The following APBA1 variants were observed in gnomAD, a reference collection of about 807,000 sequenced individuals.
The protein encoded by APBA1 is amyloid beta precursor protein binding family A member 1, also known as amyloid-beta A4 precursor protein-binding family A member 1.
Under a neutral mutation model 86.6 loss-of-function variants are expected in APBA1, and 55 were observed. That is an observed-to-expected ratio of 0.64 (90% confidence interval 0.51 to 0.80). The LOEUF (loss-of-function observed/expected upper bound fraction) is 0.80, where lower values mean the gene tolerates loss of function less well. Ranked by LOEUF, APBA1 falls within the 30% of genes least tolerant of loss-of-function variation. The pLI is 0.00. For synonymous variants in APBA1, 511 were observed against 493.9 expected (o/e 1.03, Z -0.46); for missense variants, 1,090 against 1,183.0 (o/e 0.92, Z 1.15).
intron 2 of APBA1, among the ~76,000 whole-genome samples, chr9:69,493,772 T>C (rs1241422169): frequency 6.6e-6 from 1 of 152,030 alleles, no homozygotes; most frequent in Non-Finnish European, 1.5e-5. Context: ...AAAAATAGGT[T>C]TATATACAGA....
chr9:69,586,194 C>T (rs117354854), intron 1 of APBA1, among the ~76,000 whole-genome samples: 43 of 152,240 alleles, frequency 2.8e-4, no homozygotes, highest in Non-Finnish European at 4.9e-4. Context: ...TAGGGCTTGG[C>T]CTTTACAGCA....
intron 10 of APBA1, among the ~76,000 whole-genome samples, chr9:69,444,903 C>T (rs556401844): frequency 4.6e-5 from 7 of 152,232 alleles, no homozygotes; most frequent in Admixed American, 4.6e-4. Flanking sequence ...GGCTCTGAGC[C>T]CAGAGGGGGC....
At chr9:69,457,382 C>G (rs1330790940) in intron 6 of APBA1, among the ~76,000 whole-genome samples, 1 of 152,192 alleles carries the variant, frequency 6.6e-6, no homozygotes, top group African/African-American at 2.4e-5. Context: ...CCTATAGAAG[C>G]AGTAACTCAC....
rs1588335329 is a variant in APBA1, at chr9:69,516,860, G to A, written c.351C>T (p.Ala117=). The A allele has an allele frequency of 6.3e-6, 10 of 1,599,422 alleles. No homozygotes were observed. In the East Asian group the frequency reaches 1.8e-4, roughly 29 times the overall value. Residue 117 remains alanine (A), a synonymous_variant, in exon 2 of 13, where the codon GCC becomes GCT. Coordinates refer to ENST00000265381, the MANE Select transcript of APBA1 (RefSeq NM_001163.4). The surrounding 1 kb of genome is among the most constrained non-coding windows in gnomAD (Gnocchi z 7.3). ...CCTCGGGCCGGTACTGCACAGCATA[G>A]GCGCTCTCGTCCTCGGGGTCCTGCG... ...ERAQDPEDES[A]YAVQYRPEAE...
intron 1 of APBA1, among the ~76,000 whole-genome samples, chr9:69,624,968 CCA>C (rs1234266919): frequency 6.6e-6 from 1 of 152,194 alleles, no homozygotes; most frequent in African/African-American, 2.4e-5. Flanking sequence ...AACAACCAAC[CCA>C]CAGCAACAGC....
intron 1 of APBA1, among the ~76,000 whole-genome samples, chr9:69,668,226 C>A (rs937428857): frequency 3.9e-5 from 6 of 152,190 alleles, no homozygotes; most frequent in Non-Finnish European, 8.8e-5. Context: ...GTATTCTAGT[C>A]CCTTAACTTG....
In APBA1 at chr9:69,456,423, T is replaced by A. The variant is rs987706331; in HGVS notation, c.1612A>T (p.Met538Leu). The change falls in exon 8 of 13, where the codon ATG becomes TTG. Residue 538 changes from methionine to leucine, a missense_variant. Physicochemically the swap from Met to Leu is conservative, Grantham distance 15. Around this residue, in one of 6 missense-constraint regions of APBA1, gnomAD observed 103 missense variants for 91.9 expected, o/e 1.12. Transcript: ENST00000265381. Reference sequence around the variant, plus strand: ...GAAATGGTCCTCAGAGGGTGGTCCATCATTGTCTCCTGGAGGCAGGAAGAG... The same window carrying A: ...GAAATGGTCCTCAGAGGGTGGTCCAACATTGTCTCCTGGAGGCAGGAAGAG... Reference protein sequence around the residue: ...VLNADTQETMMDHPLRTISYI... With the variant: ...VLNADTQETMLDHPLRTISYI... The A allele has an allele frequency of 2.5e-6, 4 of 1,596,770 alleles. No individual in the cohort carries two copies. In the African/African-American group the frequency reaches 5.4e-5, roughly 21 times the overall value.
intron 1 of APBA1, among the ~76,000 whole-genome samples, chr9:69,576,209 T>C (rs1588373384): frequency 2.0e-5 from 3 of 152,128 alleles, no homozygotes; most frequent in South Asian, 4.1e-4. Context: ...CAGGAAACAA[T>C]AGGTGCTGGA....
chr9:69,622,859 C>A (rs1287052897), intron 1 of APBA1, among the ~76,000 whole-genome samples: 1 of 152,142 alleles, frequency 6.6e-6, no homozygotes, highest in Non-Finnish European at 1.5e-5. Context: ...CATGACAAAC[C>A]CTTCTGATGT....
intron 10 of APBA1, among the ~76,000 whole-genome samples, chr9:69,447,812 GAC>G (rs954061655): frequency 1.3e-4 from 20 of 152,256 alleles, no homozygotes; most frequent in Admixed American, 1.2e-3. Flanking sequence ...CCAGAGCACA[GAC>G]ACACAGCACT....
At chr9:69,596,591 T>A (rs551237090) in intron 1 of APBA1, among the ~76,000 whole-genome samples, 1 of 152,210 alleles carries the variant, frequency 6.6e-6, no homozygotes, top group Non-Finnish European at 1.5e-5. Context: ...GTTCCGAGCA[T>A]GTTATTAATA....
intron 1 of APBA1, among the ~76,000 whole-genome samples, chr9:69,563,312 T>C (rs868165753): frequency 1.4e-5 from 2 of 139,730 alleles, no homozygotes; most frequent in Non-Finnish European, 3.1e-5. Flanking sequence ...ACTTTGAAAT[T>C]AAAAAGATTT....
rs112920551 is a variant in APBA1 at position 69,558,533 on chromosome 9, T to C, written c.-69-41254A>G. Among the ~76,000 whole-genome samples, 1,308 of 145,188 alleles carry C rather than the reference T, an allele frequency of 9.0e-3. 17 individuals carry two copies. Among genetic ancestry groups the C allele is most frequent in the African/African-American group, 0.032 (1,227 of 38,008 alleles). On this transcript the variant is annotated intron_variant, in intron 1 of 12. Coordinates refer to ENST00000265381, the MANE Select transcript of APBA1 (RefSeq NM_001163.4). ...GTGACTATCTTAAATTATATATATA[T>C]ACACACACACATACACACACACACA...
intron 1 of APBA1, among the ~76,000 whole-genome samples, chr9:69,614,384 T>A (rs1476712667): frequency 6.6e-6 from 1 of 152,222 alleles, no homozygotes; most frequent in Non-Finnish European, 1.5e-5. Flanking sequence ...AGAAACATTG[T>A]CAAATGATAA....
intron 10 of APBA1, among the ~76,000 whole-genome samples, chr9:69,443,436 T>C (rs1262753187): frequency 6.6e-6 from 1 of 152,068 alleles, no homozygotes; most frequent in Non-Finnish European, 1.5e-5. Flanking sequence ...CTGGCAAGGG[T>C]GGGGTGAGGG....
chr9:69,661,516 G>A (rs1420774828), intron 1 of APBA1, among the ~76,000 whole-genome samples: 1 of 152,178 alleles, frequency 6.6e-6, no homozygotes, highest in Non-Finnish European at 1.5e-5. Context: ...TGGCAGCACT[G>A]TATTCCAGCT....
intron 1 of APBA1, among the ~76,000 whole-genome samples, chr9:69,651,991 A>G (rs1823513331): frequency 6.6e-6 from 1 of 152,202 alleles, no homozygotes; most frequent in Non-Finnish European, 1.5e-5. Context: ...ATGGGGCCCT[A>G]ATCCAACATG....
At chr9:69,432,776 G>A in intron 11 of APBA1, 100 bp from the exon 12 acceptor site, 3 of 1,199,034 alleles carry the variant, frequency 2.5e-6, no homozygotes, top group South Asian at 2.3e-5. Flanking sequence ...CTCTGCTCTT[G>A]GAGAAACTGA....
At chr9:69,576,261 G>T (rs1222035703) in intron 1 of APBA1, among the ~76,000 whole-genome samples, 3 of 152,176 alleles carry the variant, frequency 2.0e-5, no homozygotes, top group African/African-American at 4.8e-5. Flanking sequence ...CTGTTGGTGG[G>T]ACTGTAAACT....
Sources: gnomAD v4.1 joint callset for allele counts (sites outside exome capture counted in the v4.1 genomes callset) on GRCh38, gnomAD v4.1.1 for gene constraint, gnomAD v4.1.1 regional missense constraint, Gnocchi (gnomAD v3.1) non-coding constraint, MANE v1.5 for transcripts, NCBI Gene and HGNC (gene_info 2026-07-23, HGNC 2026-07-21) for gene names.